C13orf42: variants seen among roughly 807,000 people sequenced by gnomAD.
C13orf42 encodes uncharacterized protein C13orf42.
At chr13:51,166,042 T>C (rs1953899755) in intron 1 of C13orf42, among the ~76,000 whole-genome samples, 2 of 152,192 alleles carry the variant, frequency 1.3e-5, no homozygotes, top group Non-Finnish European at 2.9e-5. Flanking sequence ...TGTAATTGAT[T>C]CATTTGATAG....
intron 1 of C13orf42, among the ~76,000 whole-genome samples, chr13:51,097,474 G>A (rs535147635): frequency 6.6e-6 from 1 of 152,160 alleles, no homozygotes; most frequent in Middle Eastern, 3.4e-3. Flanking sequence ...ACCAGTCAGG[G>A]GCTGAGCCTT....
In C13orf42 at chr13:51,111,235, C is replaced by A; in HGVS notation, c.-26G>T. On this transcript the variant is annotated 5_prime_UTR_variant, in exon 1 of 4. Transcript: ENST00000563710. Reference sequence around the variant, plus strand: ...AGTGCTCGATTTCTTTCTGTGGGTACCTTCCAGCTGCCTGTGCTGCCGCCA... The same window carrying A: ...AGTGCTCGATTTCTTTCTGTGGGTAACTTCCAGCTGCCTGTGCTGCCGCCA... 2.5e-6 allele frequency: 1 copy of A among 398,592 alleles called. No individual in the cohort carries two copies. The highest frequency in any genetic ancestry group is 4.4e-6 in the Non-Finnish European group (1 of 226,136). The allele number at this position is 398,592 out of a possible 1,614,324, so 24.7% of individuals were successfully genotyped here. A position where few individuals can be genotyped will look rare whatever the true frequency, so the allele number is the denominator to read the frequency against.
intron 1 of C13orf42, among the ~76,000 whole-genome samples, chr13:51,096,225 C>A (rs886897262): frequency 6.6e-6 from 1 of 152,182 alleles, no homozygotes; most frequent in African/African-American, 2.4e-5. Flanking sequence ...GAGGGTTTCC[C>A]TCCTCACTTT....
chr13:51,153,346 A>G (rs1953795051), intron 1 of C13orf42, among the ~76,000 whole-genome samples: 6 of 152,064 alleles, frequency 3.9e-5, no homozygotes, highest in Admixed American at 3.3e-4. Context: ...CAGGGCATCA[A>G]GATGAGGTCC....
intron 1 of C13orf42, among the ~76,000 whole-genome samples, chr13:51,129,773 G>A (rs1388024149): frequency 6.6e-6 from 1 of 152,140 alleles, no homozygotes; most frequent in African/African-American, 2.4e-5. Flanking sequence ...GTATTGTTCT[G>A]TCATAAAGAG....
intron 1 of C13orf42, among the ~76,000 whole-genome samples, chr13:51,117,397 T>C (rs1165591941): frequency 6.6e-6 from 1 of 152,228 alleles, no homozygotes; most frequent in Admixed American, 6.5e-5. Flanking sequence ...TATAATACCT[T>C]GGAAAGACAA....
At chr13:51,090,732 G>A (rs1375383750) in intron 1 of C13orf42, among the ~76,000 whole-genome samples, 1 of 152,192 alleles carries the variant, frequency 6.6e-6, no homozygotes, top group Non-Finnish European at 1.5e-5. Context: ...TTGTTAAAGA[G>A]TTAGGAAAAG....
At chr13:51,151,106 A>T (rs1483747318) in intron 1 of C13orf42, among the ~76,000 whole-genome samples, 1 of 152,244 alleles carries the variant, frequency 6.6e-6, no homozygotes, top group East Asian at 1.9e-4. Context: ...ACGTCCACAC[A>T]TGAATCCCTG....
chr13:51,104,462 A>G (rs9568515), intron 1 of C13orf42, among the ~76,000 whole-genome samples: 16,667 of 152,226 alleles, frequency 0.11, 1,117 homozygotes, highest in African/African-American at 0.19. Context: ...TGAGGTGGGC[A>G]GATTGCCTGA....
chr13:51,131,716 C>G (rs751602608), intron 1 of C13orf42, among the ~76,000 whole-genome samples: 4 of 152,210 alleles, frequency 2.6e-5, no homozygotes, highest in Non-Finnish European at 4.4e-5. Flanking sequence ...TCTTGCTGCA[C>G]TTTATACAAA....
chr13:51,137,092 G>A (rs780953194), intron 1 of C13orf42, among the ~76,000 whole-genome samples: 7 of 152,104 alleles, frequency 4.6e-5, no homozygotes, highest in Non-Finnish European at 1.0e-4. Context: ...TGTGTGTGTC[G>A]CAGATCTATG....
In C13orf42 at chr13:51,085,361, GC is replaced by G; in HGVS notation, c.760del (p.Ala254ProfsTer79). ...GGGCTTAAATTTCCAGGTGTTGAAG[GC>G]CCCTTCCACAGCCTTGGGCAAATAA... ...PIYLPKAVEG[A>X]FNTWKFKPKA... On this transcript the variant is annotated frameshift_variant, in exon 3 of 4. Coordinates refer to ENST00000563710, the MANE Select transcript of C13orf42 (RefSeq NM_001351589.3). LOFTEE classifies it high-confidence loss of function. 1 of 398,492 alleles carries G rather than the reference GC, an allele frequency of 2.5e-6. No homozygotes were observed. Among genetic ancestry groups the G allele is most frequent in the Non-Finnish European group, 4.4e-6 (1 of 226,044 alleles). 24.7% of individuals were successfully genotyped at this position (398,492 alleles called of 1,614,324 possible). A position where few individuals can be genotyped will look rare whatever the true frequency, so the allele number is the denominator to read the frequency against.
At chr13:51,171,595 C>G (rs1297112626) in intron 1 of C13orf42, among the ~76,000 whole-genome samples, 3 of 152,128 alleles carry the variant, frequency 2.0e-5, no homozygotes, top group African/African-American at 7.2e-5. Flanking sequence ...AGCCTCTGCT[C>G]CTCCACCCTA....
At chr13:51,121,291 G>A (rs1246411428) in intron 1 of C13orf42, among the ~76,000 whole-genome samples, 2 of 152,134 alleles carry the variant, frequency 1.3e-5, no homozygotes, top group African/African-American at 4.8e-5. Context: ...GGCGACCAAA[G>A]ACATTTAAAT....
rs562951078 is a variant in C13orf42, at chr13:51,104,493, T to C, written c.414+6303A>G. 2.0e-5 allele frequency among the ~76,000 whole-genome samples: 3 copies of C among 152,294 alleles called. No individual in the cohort carries two copies. In the East Asian group the frequency reaches 5.8e-4, roughly 29 times the overall value. ...CCTGAGTCCAGGAGTTTGAGAAAAG[T>C]ATTTAATTTCTTAAGAATTTGTTAA... On this transcript the variant is annotated intron_variant, in intron 1 of 3. Coordinates refer to ENST00000563710, the MANE Select transcript of C13orf42 (RefSeq NM_001351589.3).
At chr13:51,119,129 G>A (rs1453857241) in intron 1 of C13orf42, among the ~76,000 whole-genome samples, 3 of 152,060 alleles carry the variant, frequency 2.0e-5, no homozygotes, top group African/African-American at 7.2e-5. Flanking sequence ...CGTATGGCAT[G>A]CCCAGGTGTA....
intron 1 of C13orf42, among the ~76,000 whole-genome samples, chr13:51,141,714 C>T (rs1953697457): frequency 6.6e-6 from 1 of 151,928 alleles, no homozygotes; most frequent in South Asian, 2.1e-4. Flanking sequence ...AGGAGAATCG[C>T]TTGAACCTGG....
intron 1 of C13orf42, among the ~76,000 whole-genome samples, chr13:51,160,667 G>C (rs753741118): frequency 2.6e-5 from 4 of 152,112 alleles, no homozygotes. Flanking sequence ...TTTCTCAGTG[G>C]TACGAGAAGA....
chr13:51,120,352 C>T (rs183097132), intron 1 of C13orf42, among the ~76,000 whole-genome samples: 1 of 152,104 alleles, frequency 6.6e-6, no homozygotes, highest in African/African-American at 2.4e-5. Flanking sequence ...AAGATGTGAA[C>T]GCAGAAGCTG....
Sources: gnomAD v4.1 joint callset for allele counts (sites outside exome capture counted in the v4.1 genomes callset) on GRCh38, gnomAD v4.1.1 for gene constraint, MANE v1.5 for transcripts, NCBI Gene and HGNC (gene_info 2026-07-23, HGNC 2026-07-21) for gene names.